The following SETDB1 variants were observed in gnomAD, a reference collection of about 807,000 sequenced individuals.
SETDB1 encodes the protein SET domain bifurcated histone lysine methyltransferase 1, also known as histone-lysine N-methyltransferase SETDB1.
SETDB1 carries 31 observed loss-of-function variants against 137.4 expected under a neutral mutation model. The observed-to-expected ratio is 0.23, with a 90% CI of 0.17 to 0.30. The LOEUF (loss-of-function observed/expected upper bound fraction) is 0.30, where lower values mean the gene tolerates loss of function less well. Ranked by LOEUF, SETDB1 falls within the 10% of genes least tolerant of loss-of-function variation. SETDB1 has a pLI of 1.00. For missense variants in SETDB1, 1,113 were observed against 1,631.5 expected, an observed-to-expected ratio of 0.68 and a Z score of 5.47; for synonymous variants, 548 against 579.9, an observed-to-expected ratio of 0.95 and a Z score of 0.79.
At chr1:150,926,556 C>A in intron 1 of SETDB1, 39 bp downstream of exon 1, 1 of 374,516 alleles carries the variant, frequency 2.7e-6, no homozygotes, top group Non-Finnish European at 5.2e-6. Context: ...TGACCAAAGG[C>A]TTATCTGGGA....
At chr1:150,935,643 T>A (rs771552971) in intron 3 of SETDB1, among the ~76,000 whole-genome samples, 5 of 152,218 alleles carry the variant, frequency 3.3e-5, no homozygotes, top group Non-Finnish European at 7.3e-5. Context: ...TTAGCCCCTC[T>A]AATATGTATT....
At chr1:150,935,249 A>G (rs1475896218) in intron 3 of SETDB1, among the ~76,000 whole-genome samples, 1 of 152,226 alleles carries the variant, frequency 6.6e-6, no homozygotes, top group African/African-American at 2.4e-5. Flanking sequence ...TATCATGTAT[A>G]TGAGTCAGTT....
intron 16 of SETDB1, chr1:150,961,844 T>G (rs1558027680): frequency 6.6e-6 from 3 of 451,216 alleles, no homozygotes; most frequent in African/African-American, 1.9e-5. Flanking sequence ...CTTTGATGAT[T>G]ATGCTGCTTT....
chr1:150,940,997 C>CAAA lies in SETDB1; in HGVS notation c.448-318_448-316dup, dbSNP rs765844613. On this transcript the variant is annotated intron_variant, in intron 4 of 21. Coordinates refer to ENST00000692827, the MANE Select transcript of SETDB1 (RefSeq NM_001366418.1). ...TGGGCAACAGAGCCAGACTCCATCT[C>CAAA]AAAAAAAAAAAAAAAATTAGCTGGG... Among the ~76,000 whole-genome samples, 1,163 of 119,090 alleles carry CAAA rather than the reference C, an allele frequency of 9.8e-3. 7 individuals carry two copies. Among genetic ancestry groups the CAAA allele is most frequent in the Non-Finnish European group, 0.013 (756 of 56,716 alleles). 78.1% of individuals were successfully genotyped at this position (119,090 alleles called of 152,430 possible).
chr1:150,936,129 G>T (rs1340319953), intron 3 of SETDB1, among the ~76,000 whole-genome samples: 1 of 151,690 alleles, frequency 6.6e-6, no homozygotes, highest in Non-Finnish European at 1.5e-5. Flanking sequence ...TGGGACTACA[G>T]GTGCCCGCCA....
chr1:150,953,858 AATT>A (rs1670566156), intron 14 of SETDB1, among the ~76,000 whole-genome samples: 1 of 150,344 alleles, frequency 6.7e-6, no homozygotes, highest in Non-Finnish European at 1.5e-5. Flanking sequence ...TTAAAAAAAA[AATT>A]TTTTTTTTTT....
At position 150,960,904 on chromosome 1, in the gene SETDB1, C is replaced by A. The variant is rs587752954; in HGVS notation, c.2845C>A (p.His949Asn). 1 of 1,612,900 alleles carries A rather than the reference C, an allele frequency of 6.2e-7. No homozygotes were observed. The highest frequency in any genetic ancestry group is 1.3e-5 in the African/African-American group (1 of 74,994). The change falls in exon 16 of 22, where the codon CAC (histidine) becomes AAC (asparagine). Residue 949 changes from histidine to asparagine, a missense_variant. His to Asn is a moderately conservative substitution (Grantham distance 68, BLOSUM62 1). This residue lies in a region of SETDB1 where 373 missense variants were observed against 412.7 expected (regional missense o/e 0.90). Coordinates refer to ENST00000692827, the MANE Select transcript of SETDB1 (RefSeq NM_001366418.1). ...GLSETTSKDS[H>N]PPDLGPPHIP... ...CTCTGAGACAACTTCCAAGGACTCC[C>A]ACCCCCCAGATCTTGGACCCCCACA... is the stretch of plus-strand genomic sequence containing the variant.
chr1:150,926,671 C>A lies in SETDB1; in HGVS notation c.-12+154C>A, dbSNP rs144518907. The A allele has an allele frequency of 3.8e-3, 1,965 of 513,224 alleles. 11 individuals are homozygous for A. The highest frequency in any genetic ancestry group is 6.2e-3 in the Non-Finnish European group (1,549 of 249,944). 31.8% of individuals were successfully genotyped at this position (513,224 alleles called of 1,614,324 possible). ...GGTTTGCGAATGGGTAGGACGCACC[C>A]CTAGAATGGGTAGCACGGGGGTGGG... On this transcript the variant is annotated intron_variant, in intron 1 of 21. Transcript: ENST00000692827.
At chr1:150,936,181 G>C (rs10888399) in intron 3 of SETDB1, among the ~76,000 whole-genome samples, 29,487 of 151,916 alleles carry the variant, frequency 0.19, 3,490 homozygotes, top group East Asian at 0.28. Flanking sequence ...AGTAGAGACA[G>C]GGTTTCACCA....
chr1:150,962,030 C>G, intron 16 of SETDB1, 100 bp from the exon 17 acceptor site: 1 of 1,387,094 alleles, frequency 7.2e-7, no homozygotes, highest in Non-Finnish European at 1.0e-6. Flanking sequence ...GTGTACCTGT[C>G]ACTGGCTGAT....
At chr1:150,951,744 CTA>C (rs1670495074) in intron 14 of SETDB1, among the ~76,000 whole-genome samples, 1 of 152,070 alleles carries the variant, frequency 6.6e-6, no homozygotes, top group Non-Finnish European at 1.5e-5. Flanking sequence ...AATTTCATAG[CTA>C]AATGAATGTC....
At chr1:150,944,544 G>A (rs1208590340) in intron 8 of SETDB1, among the ~76,000 whole-genome samples, 2 of 152,308 alleles carry the variant, frequency 1.3e-5, no homozygotes, top group Admixed American at 1.3e-4. Flanking sequence ...ACCTGATAGA[G>A]AATGAGAAGG....
chr1:150,947,063 A>C (rs764485227), intron 10 of SETDB1, 51 bp downstream of exon 10: 10 of 1,607,674 alleles, frequency 6.2e-6, no homozygotes, highest in Non-Finnish European at 8.5e-6. Flanking sequence ...CAACCAGCAA[A>C]GGAGATTATA....
intron 3 of SETDB1, among the ~76,000 whole-genome samples, chr1:150,933,767 CTTTTTCTTTTTCTTTTTTTTTTT>C (rs1477377338): frequency 3.4e-5 from 4 of 116,820 alleles, no homozygotes; most frequent in Non-Finnish European, 5.4e-5. Context: ...TTTTCTTTTT[CTTTTTCTTTTTCTTTTTTTTTTT>C]TTTTTTTTTG....
intron 18 of SETDB1, 60 bp from the exon 19 acceptor site, chr1:150,962,914 A>G: frequency 1.3e-6 from 2 of 1,575,414 alleles, no homozygotes; most frequent in Non-Finnish European, 1.7e-6. Context: ...GGTAACAGCA[A>G]GGACTTAAAG....
intron 3 of SETDB1, 93 bp from the exon 4 acceptor site, chr1:150,939,847 C>G: frequency 1.2e-6 from 1 of 819,784 alleles, no homozygotes; most frequent in Admixed American, 2.4e-5. Context: ...ATAATGCTCC[C>G]ATAATAATGC....
At chr1:150,955,688 T>C (rs950064635) in intron 14 of SETDB1, among the ~76,000 whole-genome samples, 4 of 152,190 alleles carry the variant, frequency 2.6e-5, no homozygotes, top group Non-Finnish European at 5.9e-5. Context: ...TGTTGACTTG[T>C]TTTTCTTTTT....
chr1:150,962,854 A>T, intron 18 of SETDB1, 120 bp from the exon 19 acceptor site: 3 of 1,457,992 alleles, frequency 2.1e-6, no homozygotes, highest in East Asian at 4.6e-5. Context: ...ATTTTCTTTC[A>T]TCCAGCATCT....
At position 150,960,955 on chromosome 1, in the gene SETDB1, G is replaced by A. The variant is rs779687080; in HGVS notation, c.2896G>A (p.Val966Ile). Reference sequence around the variant, plus strand: ...TATTCCTGTTCCTCCCTCAATCCCTGTAGGTGGCTGCAATCCACCTTCCTC... The same window carrying A: ...TATTCCTGTTCCTCCCTCAATCCCTATAGGTGGCTGCAATCCACCTTCCTC... Reference protein sequence around the residue: ...PHIPVPPSIPVGGCNPPSSEE... With the variant: ...PHIPVPPSIPIGGCNPPSSEE... Residue 966 changes from valine to isoleucine, a missense_variant, in exon 16 of 22, where the codon GTA (valine) becomes ATA (isoleucine). Val to Ile is a conservative substitution (Grantham distance 29). Around this residue, in one of 11 missense-constraint regions of SETDB1, gnomAD observed 373 missense variants for 412.7 expected, o/e 0.90. Coordinates refer to ENST00000692827, the MANE Select transcript of SETDB1 (RefSeq NM_001366418.1). 3 of 1,613,546 alleles carry A rather than the reference G, an allele frequency of 1.9e-6. No individual in the cohort carries two copies. In the South Asian group the frequency reaches 3.3e-5, roughly 18 times the overall value.
Sources: gnomAD v4.1 joint callset for allele counts (sites outside exome capture counted in the v4.1 genomes callset) on GRCh38, gnomAD v4.1.1 for gene constraint, gnomAD v4.1.1 regional missense constraint, MANE v1.5 for transcripts, NCBI Gene and HGNC (gene_info 2026-07-23, HGNC 2026-07-21) for gene names.